Variants in PPARGC1A observed in about 807,000 individuals in gnomAD.
PPARGC1A encodes the protein peroxisome proliferator-activated receptor gamma coactivator 1-alpha.
In PPARGC1A, 25 loss-of-function variants were observed where a neutral mutation model predicts 88.7. The observed-to-expected ratio is 0.28, with a 90% confidence interval of 0.21 to 0.39. The LOEUF is 0.39. Ranked by LOEUF, PPARGC1A falls within the 10% of genes least tolerant of loss-of-function variation. PPARGC1A has a pLI of 1.00. For synonymous variants in PPARGC1A, 363 were observed against 355.6 expected (o/e 1.02, Z -0.24); for missense variants, 880 against 968.7 (o/e 0.91, Z 1.22).
the PPARGC1A span, among the ~76,000 whole-genome samples, chr4:24,417,187 G>A: frequency 6.6e-6 from 1 of 152,270 alleles, no homozygotes; most frequent in East Asian, 1.9e-4. Flanking sequence ...GAAACAGAAT[G>A]TAAAGTTACA....
the PPARGC1A span, among the ~76,000 whole-genome samples, chr4:24,362,522 T>C: frequency 6.6e-6 from 1 of 151,578 alleles, no homozygotes; most frequent in Non-Finnish European, 1.5e-5. Context: ...AAAGGACTAG[T>C]TTTTTTTTCC....
chr4:23,828,415 A>C lies in PPARGC1A; in HGVS notation c.742T>G (p.Ser248Ala), dbSNP rs2109657795. Residue 248 changes from serine (S) to alanine (A), a missense_variant, in exon 5 of 13, where the codon TCA (serine) becomes GCA (alanine). Transcript: ENST00000264867. Reference sequence around the variant, plus strand: ...CCCAGCCTACCTTGTAAGTGTTGTGACTGCGACTGTGTGTGGGACTTCTTT... The same window carrying C: ...CCCAGCCTACCTTGTAAGTGTTGTGCCTGCGACTGTGTGTGGGACTTCTTT... Reference protein sequence around the residue: ...SKKKSHTQSQSQHLQAKPTTL... With the variant: ...SKKKSHTQSQAQHLQAKPTTL... 2 of 1,613,452 alleles carry C rather than the reference A, an allele frequency of 1.2e-6. No individual in the cohort carries two copies. Among genetic ancestry groups the C allele is most frequent in the South Asian group, 2.2e-5 (2 of 91,024 alleles).
the PPARGC1A span, among the ~76,000 whole-genome samples, chr4:24,228,074 C>T: frequency 6.6e-6 from 1 of 152,118 alleles, no homozygotes; most frequent in South Asian, 2.1e-4. Flanking sequence ...GCACCAGCTA[C>T]TCTCAGGAAG....
At chr4:23,871,126 T>C (rs534281910) in intron 2 of PPARGC1A, among the ~76,000 whole-genome samples, 1 of 152,238 alleles carries the variant, frequency 6.6e-6, no homozygotes, top group East Asian at 1.9e-4. Context: ...CAGGCAACAT[T>C]TTGTAACCTC....
the PPARGC1A span, among the ~76,000 whole-genome samples, chr4:24,208,839 T>C: frequency 2.2e-4 from 34 of 152,158 alleles, no homozygotes; most frequent in African/African-American, 7.7e-4. Context: ...AGTCATTGTG[T>C]TAAATATTGC....
the PPARGC1A span, among the ~76,000 whole-genome samples, chr4:24,247,306 A>G: frequency 8.5e-5 from 13 of 152,326 alleles, no homozygotes; most frequent in African/African-American, 2.6e-4. Flanking sequence ...AAGGCAAGAA[A>G]CTAGAAATAT....
chr4:23,923,775 A>G, the PPARGC1A span, among the ~76,000 whole-genome samples: 1 of 152,178 alleles, frequency 6.6e-6, no homozygotes, highest in African/African-American at 2.4e-5. Context: ...TTGAGATAAA[A>G]TATTTCCCCA....
At chr4:24,333,374 TTC>T in the PPARGC1A span, among the ~76,000 whole-genome samples, 6 of 152,260 alleles carry the variant, frequency 3.9e-5, no homozygotes, top group Non-Finnish European at 5.9e-5. Context: ...TTTTTACTAT[TTC>T]TGAGTTTCAT....
the PPARGC1A span, among the ~76,000 whole-genome samples, chr4:24,061,569 T>A: frequency 1.3e-5 from 2 of 151,910 alleles, no homozygotes; most frequent in Admixed American, 6.6e-5. Flanking sequence ...CAAAGAGGAG[T>A]CAGGATTAGG....
At chr4:24,306,588 G>A in the PPARGC1A span, among the ~76,000 whole-genome samples, 11 of 152,136 alleles carry the variant, frequency 7.2e-5, no homozygotes, top group East Asian at 3.8e-4. Flanking sequence ...GGTGATATAC[G>A]GCTTGATTGA....
the PPARGC1A span, among the ~76,000 whole-genome samples, chr4:24,355,580 C>G: frequency 6.6e-6 from 1 of 152,162 alleles, no homozygotes; most frequent in African/African-American, 2.4e-5. Context: ...AAGCTTACCA[C>G]TTTCTAACGC....
At chr4:23,846,581 G>A (rs567698119) in intron 2 of PPARGC1A, among the ~76,000 whole-genome samples, 1 of 152,170 alleles carries the variant, frequency 6.6e-6, no homozygotes, top group South Asian at 2.1e-4. Context: ...GTTTTTAATA[G>A]ATCACAAGCT....
In PPARGC1A at chr4:23,831,729, G is replaced by A; in HGVS notation, c.257C>T (p.Ala86Val). ...IFEKIDEENE[A>V]NLLAVLTETL... ...CTCTGTGAGGACTGCTAGCAAGTTTGCCTCATTCTCTTCATCTATCTTCTG... is the reference window on the plus strand; with the variant it reads ...CTCTGTGAGGACTGCTAGCAAGTTTACCTCATTCTCTTCATCTATCTTCTG... The change falls in exon 3 of 13, where the codon GCA becomes GTA. Residue 86 changes from alanine to valine, a missense_variant. Coordinates refer to ENST00000264867, the MANE Select transcript of PPARGC1A (RefSeq NM_013261.5). 6.2e-7 allele frequency: 1 copy of A among 1,613,280 alleles called. No homozygotes were observed. Among genetic ancestry groups the A allele is most frequent in the Non-Finnish European group, 8.5e-7 (1 of 1,179,376 alleles).
At chr4:23,858,793 C>T (rs1477434372) in intron 2 of PPARGC1A, among the ~76,000 whole-genome samples, 3 of 152,100 alleles carry the variant, frequency 2.0e-5, no homozygotes, top group Non-Finnish European at 4.4e-5. Flanking sequence ...GACTCAGTTC[C>T]ATACTGCAGA....
the PPARGC1A span, among the ~76,000 whole-genome samples, chr4:23,923,537 AACT>A: frequency 6.6e-6 from 1 of 152,194 alleles, no homozygotes; most frequent in East Asian, 1.9e-4. Context: ...TCTGTGGAGA[AACT>A]ACTCAGTCAA....
At chr4:23,938,819 C>A in the PPARGC1A span, among the ~76,000 whole-genome samples, 2 of 152,160 alleles carry the variant, frequency 1.3e-5, no homozygotes, top group East Asian at 3.9e-4. Context: ...TCCTCCCATC[C>A]CCCTAGGACA....
At chr4:24,284,238 G>A in the PPARGC1A span, among the ~76,000 whole-genome samples, 62 of 152,158 alleles carry the variant, frequency 4.1e-4, 1 homozygote, top group South Asian at 0.013. Context: ...GAACCCGGGA[G>A]GCAGAGGTTG....
the PPARGC1A span, among the ~76,000 whole-genome samples, chr4:24,276,492 C>G: frequency 3.9e-5 from 6 of 152,176 alleles, no homozygotes; most frequent in African/African-American, 1.4e-4. Flanking sequence ...GCCAGTCCTA[C>G]TCTTGACTGC....
At chr4:24,093,498 T>G in the PPARGC1A span, among the ~76,000 whole-genome samples, 1 of 152,180 alleles carries the variant, frequency 6.6e-6, no homozygotes, top group South Asian at 2.1e-4. Context: ...TCCCTTTTAC[T>G]GAGAATATAC....
Sources: gnomAD v4.1 joint callset for allele counts (sites outside exome capture counted in the v4.1 genomes callset) on GRCh38, gnomAD v4.1.1 for gene constraint, MANE v1.5 for transcripts, NCBI Gene and HGNC (gene_info 2026-07-23, HGNC 2026-07-21) for gene names.